The following PRSS12 variants were observed in gnomAD, a reference collection of about 807,000 sequenced individuals.
The protein encoded by PRSS12 is neurotrypsin.
A neutral mutation model predicts 104.4 loss-of-function variants in PRSS12; 85 were observed. That is an observed-to-expected ratio of 0.81 (90% confidence interval 0.68 to 0.98). The LOEUF is 0.98. Among genes scored for constraint, PRSS12 ranks in the 50% least tolerant of loss-of-function variants. PRSS12 has a pLI of 0.00. For synonymous variants in PRSS12, 454 were observed against 425.2 expected (o/e 1.07, Z -0.83); for missense variants, 1,141 against 1,139.2 (o/e 1.00, Z -0.02).
At chr4:118,305,587 C>T (rs967166882) in intron 8 of PRSS12, among the ~76,000 whole-genome samples, 2 of 152,024 alleles carry the variant, frequency 1.3e-5, no homozygotes, top group Admixed American at 1.3e-4. Context: ...CAAAAATTTC[C>T]TTGTGTTCTT....
intron 11 of PRSS12, among the ~76,000 whole-genome samples, chr4:118,293,361 G>C (rs1743173096): frequency 6.6e-6 from 1 of 151,914 alleles, no homozygotes; most frequent in Non-Finnish European, 1.5e-5. Flanking sequence ...ACAAATAAGA[G>C]AATATCTTCA....
intron 9 of PRSS12, among the ~76,000 whole-genome samples, chr4:118,297,810 G>T (rs937380462): frequency 3.3e-5 from 5 of 152,036 alleles, no homozygotes; most frequent in African/African-American, 9.7e-5. Flanking sequence ...CTCCAAAATA[G>T]CTCATTCTCT....
chr4:118,308,189 T>C (rs1180580717), intron 8 of PRSS12, among the ~76,000 whole-genome samples: 1 of 152,236 alleles, frequency 6.6e-6, no homozygotes, highest in Non-Finnish European at 1.5e-5. Context: ...TCAGAGTTAT[T>C]AGACTATTTT....
At chr4:118,340,494 G>A (rs1343808503) in intron 1 of PRSS12, among the ~76,000 whole-genome samples, 2 of 152,084 alleles carry the variant, frequency 1.3e-5, no homozygotes, top group African/African-American at 4.8e-5. Flanking sequence ...TCTATTCGGA[G>A]GAAACCATCT....
intron 11 of PRSS12, among the ~76,000 whole-genome samples, chr4:118,285,105 A>G (rs2126025758): frequency 6.6e-6 from 1 of 152,346 alleles, no homozygotes; most frequent in South Asian, 2.1e-4. Context: ...AAACAGTGCA[A>G]TAAAGATGAT....
chr4:118,326,346 C>T (rs1578928445), intron 4 of PRSS12, among the ~76,000 whole-genome samples: 3 of 152,222 alleles, frequency 2.0e-5, no homozygotes, highest in African/African-American at 7.2e-5. Flanking sequence ...ACTGGTCTAA[C>T]AGTGCTTTTA....
At chr4:118,298,676 T>C (rs140107913) in intron 9 of PRSS12, 57 bp downstream of exon 9, 9 of 1,463,206 alleles carry the variant, frequency 6.2e-6, no homozygotes, top group Non-Finnish European at 8.6e-6. Flanking sequence ...CTGCTTATAG[T>C]AATGGAATGG....
At chr4:118,337,945 T>C (rs1259397196) in intron 2 of PRSS12, among the ~76,000 whole-genome samples, 1 of 152,156 alleles carries the variant, frequency 6.6e-6, no homozygotes, top group Non-Finnish European at 1.5e-5. Flanking sequence ...CCACTTAGTA[T>C]TTGCCCATTT....
chr4:118,331,738 T>G lies in PRSS12; in HGVS notation c.949A>C (p.Ile317Leu). 6.2e-7 allele frequency: 1 copy of G among 1,614,146 alleles called. No homozygotes were observed. Among genetic ancestry groups the G allele is most frequent in the Non-Finnish European group, 8.5e-7 (1 of 1,180,024 alleles). ...AACCTGAGGCCCAGCTGCCTGCAGA[T>G]CACTTCTGCATCGGCATCATCCCAT... ...DQWDDADAEV[I>L]CRQLGLSGIA... Residue 317 changes from isoleucine to leucine, a missense_variant, in exon 4 of 13, where the codon ATC (isoleucine) becomes CTC (leucine). By Grantham distance (5) the Ile-to-Leu change is conservative (BLOSUM62 2). Coordinates refer to ENST00000296498, the MANE Select transcript of PRSS12 (RefSeq NM_003619.4).
chr4:118,332,273 T>C (rs1265801244), intron 3 of PRSS12, among the ~76,000 whole-genome samples: 2 of 152,210 alleles, frequency 1.3e-5, no homozygotes, highest in East Asian at 1.9e-4. Flanking sequence ...CTTATGTCTA[T>C]AACATACTTG....
At chr4:118,311,888 T>C (rs1743740119) in intron 7 of PRSS12, among the ~76,000 whole-genome samples, 1 of 152,188 alleles carries the variant, frequency 6.6e-6, no homozygotes, top group South Asian at 2.1e-4. Flanking sequence ...AGAGCATATC[T>C]GCGTAGATCA....
At chr4:118,308,346 T>C (rs866969773) in intron 8 of PRSS12, 90 bp downstream of exon 8, 4 of 1,543,902 alleles carry the variant, frequency 2.6e-6, no homozygotes, top group Middle Eastern at 1.7e-4. Flanking sequence ...CAGAAGCTCA[T>C]TTTAAGTAAA....
chr4:118,342,881 T>C (rs1490869100), intron 1 of PRSS12, among the ~76,000 whole-genome samples: 2 of 152,212 alleles, frequency 1.3e-5, no homozygotes, highest in African/African-American at 4.8e-5. Context: ...CCTCCAGTTT[T>C]ATAAAGGAAA....
In PRSS12 at chr4:118,294,965, G is replaced by C; in HGVS notation, c.2013C>G (p.Val671=). 1.2e-6 allele frequency: 2 copies of C among 1,614,042 alleles called. No homozygotes were observed. Among genetic ancestry groups the C allele is most frequent in the Non-Finnish European group, 1.7e-6 (2 of 1,179,970 alleles). Residue 671 remains valine, a synonymous_variant, in exon 11 of 13, where the codon GTC becomes GTG. Coordinates refer to ENST00000296498, the MANE Select transcript of PRSS12 (RefSeq NM_003619.4). The part of the protein sequence containing the change: ...CGATLLSSCW[V]LTAAHCFKRY... ...TCTTGAAACAGTGTGCTGCTGTGAG[G>C]ACCCAGCAGCTACTCAGGAGCGTAG... is the stretch of plus-strand genomic sequence containing the variant.
At chr4:118,308,712 G>C in intron 7 of PRSS12, 135 bp from the exon 8 acceptor site, 1 of 1,229,394 alleles carries the variant, frequency 8.1e-7, no homozygotes, top group African/African-American at 1.5e-5. Flanking sequence ...TTGAGAGAGA[G>C]GAGATATATC....
chr4:118,308,697 CT>C, intron 7 of PRSS12, 120 bp from the exon 8 acceptor site: 1 of 1,368,388 alleles, frequency 7.3e-7, no homozygotes, highest in South Asian at 1.2e-5. Flanking sequence ...ATGGGAAATA[CT>C]TTTTTGAGAG....
chr4:118,281,495 T>G lies in PRSS12; in HGVS notation c.*441A>C, dbSNP rs1006077983. The G allele has an allele frequency of 3.1e-5, 6 of 191,352 alleles. No individual in the cohort carries two copies. The highest frequency in any genetic ancestry group is 1.1e-4 in the Admixed American group (2 of 18,842). The allele number at this position is 191,352 out of a possible 1,614,324, so 11.9% of individuals were successfully genotyped here. A position where few individuals can be genotyped will look rare whatever the true frequency, so the allele number is the denominator to read the frequency against. On this transcript the variant is annotated 3_prime_UTR_variant, in exon 13 of 13. Transcript: ENST00000296498. ...TATGAAGATTTCTTGTCAAGTCTTT[T>G]GAAAAGACCTAAGCATAAATATGCC...
At chr4:118,303,471 A>C (rs1743451899) in intron 8 of PRSS12, 1 of 152,170 alleles carries the variant, frequency 6.6e-6, no homozygotes, top group Admixed American at 6.5e-5. Context: ...CACATGATTA[A>C]ATTCTCATTG....
intron 11 of PRSS12, among the ~76,000 whole-genome samples, chr4:118,290,948 T>C (rs17516233): frequency 0.061 from 9,271 of 152,186 alleles, 384 homozygotes; most frequent in Non-Finnish European, 0.092. Context: ...CTCCAGTTCC[T>C]ACTTAAATCA....
Sources: allele counts gnomAD v4.1 joint callset (sites outside exome capture counted in the v4.1 genomes callset), GRCh38; gene constraint gnomAD v4.1.1; transcripts MANE v1.5; gene names NCBI Gene and HGNC (gene_info 2026-07-23, HGNC 2026-07-21).